Variants in PAQR8 observed in about 807,000 individuals in gnomAD.
PAQR8 encodes membrane progestin receptor beta.
In PAQR8, 17 loss-of-function variants were observed where a neutral mutation model predicts 25.2. That is an observed-to-expected ratio of 0.67 (90% CI 0.46 to 1.01). PAQR8 has a LOEUF of 1.01. Among genes scored for constraint, PAQR8 ranks in the 50% least tolerant of loss-of-function variants. The probability of loss-of-function intolerance (pLI) is 0.00; values close to 1 mark genes in which losing one functional copy is unlikely to be tolerated. For missense variants in PAQR8, 392 were observed against 448.4 expected (o/e 0.87, Z 1.14); for synonymous variants, 204 against 190.6 (o/e 1.07, Z -0.58).
At chr6:52,367,290 C>T (rs530062951) in intron 1 of PAQR8, among the ~76,000 whole-genome samples, 8 of 152,292 alleles carry the variant, frequency 5.3e-5, no homozygotes, top group African/African-American at 1.4e-4. Flanking sequence ...TTGGCTAGAG[C>T]GTGGGATTTG....
chr6:52,379,619 C>CTTTTTTTTTTTTTTTTTTTTTTTTTTTTT (rs909812638), intron 1 of PAQR8, among the ~76,000 whole-genome samples: 2 of 77,236 alleles, frequency 2.6e-5, no homozygotes, highest in Admixed American at 1.3e-4. Flanking sequence ...ACCCAGCTTT[C>CTTTTTTTTTTTTTTTTTTTTTTTTTTTTT]TTTTTTTTTT....
In PAQR8 at chr6:52,370,541, T is replaced by C. The variant is rs565854927; in HGVS notation, c.-53+8292T>C. Among the ~76,000 whole-genome samples the C allele has an allele frequency of 2.8e-4, 43 of 152,274 alleles. No individual in the cohort carries two copies. In the South Asian group the frequency reaches 8.3e-3, roughly 29 times the overall value. On this transcript the variant is annotated intron_variant, in intron 1 of 1. Transcript: ENST00000442253. Reference sequence around the variant, plus strand: ...ACGTTTATAATTGTGTGTAGGACTCTGAGGCACTGGTAGTAGGTGCAGTAC... The same window carrying C: ...ACGTTTATAATTGTGTGTAGGACTCCGAGGCACTGGTAGTAGGTGCAGTAC...
chr6:52,368,742 A>G (rs1421123032), intron 1 of PAQR8, among the ~76,000 whole-genome samples: 1 of 152,182 alleles, frequency 6.6e-6, no homozygotes, highest in African/African-American at 2.4e-5. Context: ...CCATCCCATG[A>G]GGCATAAAGA....
chr6:52,403,892 C>A lies in PAQR8; in HGVS notation c.679C>A (p.Pro227Thr), dbSNP rs1351673176. ...AGLAFILDISPVAHRVALCHL... is the reference protein window; with the variant it reads ...AGLAFILDISTVAHRVALCHL... ...TCTGGCTTTTATCCTAGACATCAGC[C>A]CTGTGGCACACCGTGTGGCGCTCTG... is the stretch of plus-strand genomic sequence containing the variant. The change falls in exon 2 of 2, where the codon CCT (proline) becomes ACT (threonine). Residue 227 changes from proline (P) to threonine (T), a missense_variant. Pro to Thr is a conservative substitution (Grantham distance 38, BLOSUM62 -1). Transcript: ENST00000442253. 1 of 1,614,214 alleles carries A rather than the reference C, an allele frequency of 6.2e-7. No homozygotes were observed. Among genetic ancestry groups the A allele is most frequent in the Admixed American group, 1.7e-5 (1 of 60,022 alleles).
chr6:52,397,355 A>T (rs1194939316), intron 1 of PAQR8, among the ~76,000 whole-genome samples: 4 of 152,030 alleles, frequency 2.6e-5, no homozygotes, highest in Non-Finnish European at 4.4e-5. Context: ...CCCAATTCTC[A>T]CTTGTCTGAG....
In PAQR8 at chr6:52,403,932, G is replaced by A. The variant is rs1763875487; in HGVS notation, c.719G>A (p.Cys240Tyr). The change falls in exon 2 of 2, where the codon TGC (cysteine) becomes TAC (tyrosine). Residue 240 changes from cysteine (C) to tyrosine (Y), a missense_variant. Physicochemically the swap from Cys to Tyr is radical, Grantham distance 194. Transcript: ENST00000442253. ...HRVALCHLAGCQEQAAWYHTL... is the reference protein window; with the variant it reads ...HRVALCHLAGYQEQAAWYHTL... ...GTGGCGCTCTGTCACCTGGCTGGCT[G>A]CCAGGAGCAAGCAGCCTGGTACCAC... 3.7e-6 allele frequency: 6 copies of A among 1,614,228 alleles called. No individual in the cohort carries two copies. Among genetic ancestry groups the A allele is most frequent in the Non-Finnish European group, 5.1e-6 (6 of 1,180,036 alleles).
intron 1 of PAQR8, among the ~76,000 whole-genome samples, chr6:52,395,539 C>G (rs1763758086): frequency 6.6e-6 from 1 of 152,190 alleles, no homozygotes; most frequent in Admixed American, 6.5e-5. Flanking sequence ...ACATGTCTTT[C>G]AGCCCAGACC....
chr6:52,398,833 G>C (rs991704897), intron 1 of PAQR8, among the ~76,000 whole-genome samples: 56 of 152,304 alleles, frequency 3.7e-4, no homozygotes, highest in African/African-American at 1.2e-3. Flanking sequence ...GGATTTACAG[G>C]CGTGAGCCAC....
At chr6:52,396,381 G>C (rs1445046627) in intron 1 of PAQR8, among the ~76,000 whole-genome samples, 1 of 152,198 alleles carries the variant, frequency 6.6e-6, no homozygotes, top group African/African-American at 2.4e-5. Context: ...AGAGTATTAA[G>C]ATCTGGGCCA....
intron 1 of PAQR8, among the ~76,000 whole-genome samples, chr6:52,383,449 C>A (rs1476869306): frequency 6.6e-6 from 1 of 151,966 alleles, no homozygotes; most frequent in Non-Finnish European, 1.5e-5. Context: ...ATCACGAGGT[C>A]AGGAGATCGA....
intron 1 of PAQR8, among the ~76,000 whole-genome samples, chr6:52,364,987 G>A (rs1168487192): frequency 6.6e-6 from 1 of 152,174 alleles, no homozygotes; most frequent in East Asian, 1.9e-4. Flanking sequence ...AATTGGTCCT[G>A]TCACTTTATT....
chr6:52,367,103 G>T (rs1339077096), intron 1 of PAQR8, among the ~76,000 whole-genome samples: 1 of 152,118 alleles, frequency 6.6e-6, no homozygotes, highest in Non-Finnish European at 1.5e-5. Flanking sequence ...TCCCCCAGAG[G>T]ATGAAATTTG....
chr6:52,366,974 G>C (rs1215733128), intron 1 of PAQR8, among the ~76,000 whole-genome samples: 1 of 152,092 alleles, frequency 6.6e-6, no homozygotes, highest in African/African-American at 2.4e-5. Flanking sequence ...TCGAACTCCT[G>C]ACCTCGTGAT....
chr6:52,377,897 C>G (rs1399651775), intron 1 of PAQR8, among the ~76,000 whole-genome samples: 1 of 152,160 alleles, frequency 6.6e-6, no homozygotes, highest in Non-Finnish European at 1.5e-5. Context: ...TGTTCACTTA[C>G]ACATTTAGGA....
In PAQR8 at chr6:52,407,522, C is replaced by A. The variant is rs989787684; in HGVS notation, c.*3244C>A. 2 of 166,754 alleles carry A rather than the reference C, an allele frequency of 1.2e-5. No individual in the cohort carries two copies. Among genetic ancestry groups the A allele is most frequent in the African/African-American group, 4.8e-5 (2 of 41,336 alleles). The allele number at this position is 166,754 out of a possible 1,614,324, so 10.3% of individuals were successfully genotyped here. A position where few individuals can be genotyped will look rare whatever the true frequency, so the allele number is the denominator to read the frequency against. On this transcript the variant is annotated 3_prime_UTR_variant, in exon 2 of 2. Transcript: ENST00000442253. ...GTTGCCCACCTGTTCACAAAAAGTA[C>A]CTTTATGCTTGAAAACATTAGGTTC...
chr6:52,364,733 T>C (rs892706064), intron 1 of PAQR8, among the ~76,000 whole-genome samples: 4 of 152,200 alleles, frequency 2.6e-5, no homozygotes, highest in Admixed American at 2.6e-4. Context: ...ATAAGTATGC[T>C]CATTAAAGTA....
chr6:52,375,854 A>C (rs1763479470), intron 1 of PAQR8, among the ~76,000 whole-genome samples: 1 of 152,166 alleles, frequency 6.6e-6, no homozygotes, highest in African/African-American at 2.4e-5. Flanking sequence ...GGTTCATGGA[A>C]GATTTGGAAG....
In PAQR8 at chr6:52,406,544, C is replaced by G; in HGVS notation, c.*2266C>G. ...TTAATTTATACAAGTATTGGCCCCT[C>G]AAGTGGTTGGAAATTTTTTTTTTAA... On this transcript the variant is annotated 3_prime_UTR_variant, in exon 2 of 2. Coordinates refer to ENST00000442253, the MANE Select transcript of PAQR8 (RefSeq NM_133367.5). 2.4e-6 allele frequency: 1 copy of G among 413,392 alleles called. No homozygotes were observed. Among genetic ancestry groups the G allele is most frequent in the Non-Finnish European group, 4.4e-6 (1 of 226,108 alleles). The allele number at this position is 413,392 out of a possible 1,614,324, so 25.6% of individuals were successfully genotyped here.
intron 1 of PAQR8, among the ~76,000 whole-genome samples, chr6:52,392,759 G>A (rs964951152): frequency 6.6e-6 from 1 of 152,262 alleles, no homozygotes; most frequent in Non-Finnish European, 1.5e-5. Context: ...CAAACCATGT[G>A]TCTCTTTAAT....
Sources: allele counts gnomAD v4.1 joint callset (sites outside exome capture counted in the v4.1 genomes callset), GRCh38; gene constraint gnomAD v4.1.1; transcripts MANE v1.5; gene names NCBI Gene and HGNC (gene_info 2026-07-23, HGNC 2026-07-21).